FBRSL1: variants seen among roughly 807,000 people sequenced by gnomAD.
The protein encoded by FBRSL1 is fibrosin-1-like protein.
A neutral mutation model predicts 89.6 loss-of-function variants in FBRSL1; 51 were observed. The ratio of observed to expected loss-of-function variants is 0.57; its 90% CI spans 0.45 to 0.72. The LOEUF is 0.72. Among genes scored for constraint, FBRSL1 ranks in the 30% least tolerant of loss-of-function variants. The pLI, the probability that FBRSL1 is intolerant of heterozygous loss-of-function variation, is 0.00. For synonymous variants in FBRSL1, 779 were observed against 681.1 expected, an observed-to-expected ratio of 1.14 and a Z score of -2.24; for missense variants, 1,618 against 1,451.8, an observed-to-expected ratio of 1.11 and a Z score of -1.86.
chr12:132,528,166 A>G (rs935414008), intron 4 of FBRSL1, among the ~76,000 whole-genome samples, 178 bp downstream of exon 4: 2 of 152,016 alleles, frequency 1.3e-5, no homozygotes, highest in African/African-American at 4.8e-5. Context: ...GGGGTGGACA[A>G]GCTCCAGAGT....
At chr12:132,518,497 AC>A (rs1359268004) in intron 2 of FBRSL1, among the ~76,000 whole-genome samples, 1 of 149,088 alleles carries the variant, frequency 6.7e-6, no homozygotes, top group Non-Finnish European at 1.5e-5. Flanking sequence ...GTGTCCATCC[AC>A]CCATCTGTCC....
In FBRSL1 at chr12:132,576,713, C is replaced by T. The variant is rs1042936237; in HGVS notation, c.1702-86C>T. 5 of 1,457,476 alleles carry T rather than the reference C, an allele frequency of 3.4e-6. No homozygotes were observed. The African/African-American group carries it at 5.6e-5, about 16-fold the overall frequency. 90.3% of individuals were successfully genotyped at this position (1,457,476 alleles called of 1,614,324 possible). ...TCCCCTTACTGGACTGGCTCACACC[C>T]AGTCCCTGTGGCCCCTCAGGCCTGG... On this transcript the variant is annotated intron_variant, in intron 14 of 18. Transcript: ENST00000680143.
chr12:132,551,465 C>T (rs1338994915), intron 5 of FBRSL1: 1 of 456,294 alleles, frequency 2.2e-6, no homozygotes, highest in Non-Finnish European at 4.4e-6. Flanking sequence ...CAGTGCACCC[C>T]GAGGAAGCCT....
intron 4 of FBRSL1, among the ~76,000 whole-genome samples, chr12:132,533,061 C>T (rs1223827761): frequency 6.6e-6 from 1 of 152,200 alleles, no homozygotes; most frequent in Non-Finnish European, 1.5e-5. Context: ...TCAGCCTCTC[C>T]CTGGAGTCAG....
In FBRSL1 at chr12:132,570,372, G is replaced by A. The variant is rs967418636; in HGVS notation, c.1045G>A (p.Val349Met). 18 of 1,533,438 alleles carry A rather than the reference G, an allele frequency of 1.2e-5. No individual in the cohort carries two copies. The highest frequency in any genetic ancestry group is 1.8e-4 in the Middle Eastern group (1 of 5,668). The allele number at this position is 1,533,438 out of a possible 1,614,324, so 95.0% of individuals were successfully genotyped here. A position where few individuals can be genotyped will look rare whatever the true frequency, so the allele number is the denominator to read the frequency against. The change falls in exon 8 of 19, where the codon GTG becomes ATG. Residue 349 changes from valine to methionine, a missense_variant. Coordinates refer to ENST00000680143, the MANE Select transcript of FBRSL1 (RefSeq NM_001367871.1). ...SSAPLGLGKH[V>M]SLSPHGPGPH... ...CGCCCCCCTGGGCCTGGGGAAGCAC[G>A]TGTCGCTGTCGCCACACGGGCCGGG...
At position 132,582,281 on chromosome 12, in the gene FBRSL1, T is replaced by C; in HGVS notation, c.2201+15T>C. 1.9e-6 allele frequency: 3 copies of C among 1,547,866 alleles called. No homozygotes were observed. The South Asian group carries it at 3.6e-5, about 18-fold the overall frequency. Reference sequence around the variant, plus strand: ...GAGCAGGAACGGTGAGTGGCCCTCTTGTTCCGTATCCCCACCACACACCCC... The same window carrying C: ...GAGCAGGAACGGTGAGTGGCCCTCTCGTTCCGTATCCCCACCACACACCCC... On this transcript the variant is annotated intron_variant, in intron 18 of 18. Coordinates refer to ENST00000680143, the MANE Select transcript of FBRSL1 (RefSeq NM_001367871.1).
chr12:132,528,513 C>A (rs1450352018), intron 4 of FBRSL1, among the ~76,000 whole-genome samples: 1 of 151,740 alleles, frequency 6.6e-6, no homozygotes, highest in East Asian at 1.9e-4. Context: ...CACCCCGTGG[C>A]GGGCAGGGGG....
In FBRSL1 at chr12:132,500,430, G is replaced by A. The variant is rs2032780178; in HGVS notation, c.292-7723G>A. Among the ~76,000 whole-genome samples the A allele has an allele frequency of 5.3e-5, 8 of 152,172 alleles. No homozygotes were observed. The South Asian group carries it at 1.4e-3, about 28-fold the overall frequency. On this transcript the variant is annotated intron_variant, in intron 1 of 18. Coordinates refer to ENST00000680143, the MANE Select transcript of FBRSL1 (RefSeq NM_001367871.1). ...AGAACTCAGGCAAGGGCTGGAGGCTGGGGCTGCCCCTCTCTGGCCTGGGCT... is the reference window on the plus strand; with the variant it reads ...AGAACTCAGGCAAGGGCTGGAGGCTAGGGCTGCCCCTCTCTGGCCTGGGCT...
chr12:132,519,389 G>A (rs1351574232), intron 2 of FBRSL1, among the ~76,000 whole-genome samples: 2 of 152,172 alleles, frequency 1.3e-5, no homozygotes, highest in African/African-American at 4.8e-5. Context: ...GTGTTAGCCT[G>A]GAGGAGGGGA....
At position 132,545,314 on chromosome 12, in the gene FBRSL1, G is replaced by A. The variant is rs563627195; in HGVS notation, c.616-2689G>A. On this transcript the variant is annotated intron_variant, in intron 4 of 18. Coordinates refer to ENST00000680143, the MANE Select transcript of FBRSL1 (RefSeq NM_001367871.1). The stretch of plus-strand genomic sequence containing the variant: ...TGGTCGCCTCACTCGGGCAGCTTCC[G>A]AGAGGTGGATGTGTCTCTCCTTTTC... 6.6e-5 allele frequency among the ~76,000 whole-genome samples: 10 copies of A among 152,362 alleles called. No individual in the cohort carries two copies. The South Asian group carries it at 1.7e-3, about 25-fold the overall frequency.
At chr12:132,581,655 AAGCCTCTACAGC>A in intron 16 of FBRSL1, 74 bp from the exon 17 acceptor site, 1 of 1,494,958 alleles carries the variant, frequency 6.7e-7, no homozygotes, top group South Asian at 1.2e-5. Context: ...ACCAGGCCCA[AAGCCTCTACAGC>A]AGCCCCCACT....
At chr12:132,511,862 G>A (rs1284344461) in intron 2 of FBRSL1, 9 of 982,310 alleles carry the variant, frequency 9.2e-6, no homozygotes, top group Middle Eastern at 5.2e-4. Flanking sequence ...CCTTCCTCCG[G>A]TGCTCACCTG....
intron 2 of FBRSL1, among the ~76,000 whole-genome samples, chr12:132,518,975 GTCCATCCATCCACCCATGCA>G (rs1170308049): frequency 6.7e-6 from 1 of 149,886 alleles, no homozygotes; most frequent in Non-Finnish European, 1.5e-5. Flanking sequence ...CTACCTGTTT[GTCCATCCATCCACCCATGCA>G]TCCATCCATC....
At chr12:132,544,990 T>C (rs1235805172) in intron 4 of FBRSL1, among the ~76,000 whole-genome samples, 1 of 152,212 alleles carries the variant, frequency 6.6e-6, no homozygotes, top group African/African-American at 2.4e-5. Context: ...CTATGAGCTG[T>C]AAGGGACAAC....
rs545559323 is a variant in FBRSL1 at position 132,569,963 on chromosome 12, G to A, written c.729G>A (p.Pro243=). The A allele has an allele frequency of 3.5e-5, 50 of 1,437,696 alleles. No homozygotes were observed. Among genetic ancestry groups the A allele is most frequent in the African/African-American group, 9.0e-5 (6 of 66,960 alleles). 89.1% of individuals were successfully genotyped at this position (1,437,696 alleles called of 1,614,324 possible). Reference sequence around the variant, plus strand: ...AGAAGTCGGAGGCCAAGGCCGGGCCGGTGCCCAAGGTGTCAGGCCTGGAGC... The same window carrying A: ...AGAAGTCGGAGGCCAAGGCCGGGCCAGTGCCCAAGGTGTCAGGCCTGGAGC... The part of the protein sequence containing the change: ...ALEKSEAKAG[P]VPKVSGLERS... Residue 243 remains proline (P), a synonymous_variant, in exon 7 of 19, where the codon CCG becomes CCA. Transcript: ENST00000680143.
chr12:132,525,697 G>C, intron 2 of FBRSL1, 37 bp from the exon 3 acceptor site: 1 of 1,506,912 alleles, frequency 6.6e-7, no homozygotes, highest in Non-Finnish European at 9.0e-7. Context: ...GCGGTGAGGT[G>C]GGGGTTTGCC....
At chr12:132,507,231 C>A in intron 1 of FBRSL1, 1 of 985,560 alleles carries the variant, frequency 1.0e-6, no homozygotes, top group Non-Finnish European at 1.2e-6. Context: ...CTGGGCTTCA[C>A]TGCTGCTGTT....
chr12:132,500,347 A>G (rs1215445261), intron 1 of FBRSL1, among the ~76,000 whole-genome samples: 1 of 152,106 alleles, frequency 6.6e-6, no homozygotes, highest in African/African-American at 2.4e-5. Context: ...AACCTGACGC[A>G]CAGAGCCGTG....
chr12:132,550,316 G>A (rs1481250411), intron 5 of FBRSL1, among the ~76,000 whole-genome samples: 1 of 151,978 alleles, frequency 6.6e-6, no homozygotes, highest in Non-Finnish European at 1.5e-5. Context: ...GAGGCCTGGC[G>A]GGGCGGGGAC....
Sources: gnomAD v4.1 joint callset for allele counts (sites outside exome capture counted in the v4.1 genomes callset) on GRCh38, gnomAD v4.1.1 for gene constraint, MANE v1.5 for transcripts, NCBI Gene and HGNC (gene_info 2026-07-23, HGNC 2026-07-21) for gene names.